DCHS2: variants seen among roughly 807,000 people sequenced by gnomAD.
The protein encoded by DCHS2 is dachsous cadherin-related 2, also known as protocadherin-23.
Under a neutral mutation model 182.4 loss-of-function variants are expected in DCHS2, and 142 were observed. That is an observed-to-expected ratio of 0.78 (90% CI 0.68 to 0.89). DCHS2 has a LOEUF of 0.89. DCHS2 is among the 40% of genes least tolerant of loss of function. DCHS2 has a pLI of 0.00. For synonymous variants in DCHS2, 1,740 were observed against 1,663.3 expected (o/e 1.05, Z -1.12); for missense variants, 4,319 against 4,198.6 (o/e 1.03, Z -0.79).
intron 2 of DCHS2, 69 bp from the exon 3 acceptor site, chr4:154,366,510 A>C: frequency 9.9e-7 from 1 of 1,013,468 alleles, no homozygotes; most frequent in Non-Finnish European, 1.5e-6. Flanking sequence ...ATAATTGACA[A>C]TGGCCCTACA....
intron 9 of DCHS2, 90 bp from the exon 10 acceptor site, chr4:154,316,077 AT>A: frequency 6.5e-7 from 1 of 1,530,858 alleles, no homozygotes; most frequent in Admixed American, 2.0e-5. Context: ...TGTCTACCTA[AT>A]AAAAATTCAG....
At chr4:154,300,946 C>T (rs1447123789) in intron 12 of DCHS2, among the ~76,000 whole-genome samples, 1 of 152,132 alleles carries the variant, frequency 6.6e-6, no homozygotes, top group Non-Finnish European at 1.5e-5. Context: ...AGCTAGGTTA[C>T]TTGAAGTTTT....
intron 3 of DCHS2, among the ~76,000 whole-genome samples, chr4:154,356,094 C>G (rs1437094187): frequency 6.6e-6 from 1 of 152,104 alleles, no homozygotes; most frequent in Non-Finnish European, 1.5e-5. Flanking sequence ...ATGTGTGTTA[C>G]TGGCTCTGAA....
intron 1 of DCHS2, among the ~76,000 whole-genome samples, chr4:154,441,058 G>A (rs1358907698): frequency 6.6e-6 from 1 of 152,154 alleles, no homozygotes; most frequent in Non-Finnish European, 1.5e-5. Context: ...TTGCTGGCAT[G>A]GGCAAAAATA....
chr4:154,312,435 A>G (rs1391027856), intron 10 of DCHS2, among the ~76,000 whole-genome samples: 1 of 152,136 alleles, frequency 6.6e-6, no homozygotes, highest in Non-Finnish European at 1.5e-5. Flanking sequence ...TGTAATCCCT[A>G]TACTTTGGGA....
intron 3 of DCHS2, chr4:154,343,546 CT>C: frequency 6.5e-7 from 1 of 1,527,412 alleles, no homozygotes; most frequent in Non-Finnish European, 8.8e-7. Context: ...TCATCTTGCA[CT>C]TTTAGGTAAT....
At chr4:154,426,073 T>G (rs1047050682) in intron 1 of DCHS2, among the ~76,000 whole-genome samples, 1 of 152,128 alleles carries the variant, frequency 6.6e-6, no homozygotes, top group African/African-American at 2.4e-5. Context: ...TTCTCAGGAT[T>G]AATGTGCAGC....
chr4:154,304,981 CAAT>C, intron 11 of DCHS2, 103 bp from the exon 12 acceptor site: 2 of 1,505,084 alleles, frequency 1.3e-6, no homozygotes. Flanking sequence ...AGCACTGGCT[CAAT>C]AATATTTTAT....
chr4:154,397,253 T>C (rs1184562536), intron 1 of DCHS2, among the ~76,000 whole-genome samples: 1 of 152,190 alleles, frequency 6.6e-6, no homozygotes, highest in Non-Finnish European at 1.5e-5. Context: ...CTTACATATT[T>C]GTCAAAATCT....
chr4:154,371,411 G>A (rs145154263), intron 2 of DCHS2, among the ~76,000 whole-genome samples: 4 of 152,162 alleles, frequency 2.6e-5, no homozygotes, highest in African/African-American at 9.6e-5. Context: ...GTATCCTTGT[G>A]GGGTAGGTTG....
intron 1 of DCHS2, among the ~76,000 whole-genome samples, chr4:154,466,115 G>C (rs1337609597): frequency 6.6e-6 from 1 of 152,044 alleles, no homozygotes; most frequent in Non-Finnish European, 1.5e-5. Flanking sequence ...GTGTAATTGG[G>C]ACTGGACTTA....
At chr4:154,266,394 C>T (rs895925292) in intron 14 of DCHS2, among the ~76,000 whole-genome samples, 2 of 152,024 alleles carry the variant, frequency 1.3e-5, no homozygotes, top group African/African-American at 2.4e-5. Context: ...ATAAAAGCTT[C>T]GCCTGTAATC....
At chr4:154,258,167 G>C (rs1732792174) in intron 15 of DCHS2, among the ~76,000 whole-genome samples, 1 of 152,048 alleles carries the variant, frequency 6.6e-6, no homozygotes, top group Non-Finnish European at 1.5e-5. Flanking sequence ...AGCACATCTG[G>C]AACAGGCTGG....
intron 1 of DCHS2, among the ~76,000 whole-genome samples, chr4:154,400,282 A>G (rs62331906): frequency 4.9e-5 from 7 of 142,404 alleles, no homozygotes; most frequent in Non-Finnish European, 7.7e-5. Flanking sequence ...CAGCCTGGGC[A>G]ACAGAGCGAG....
chr4:154,277,259 G>C (rs1733892306), intron 13 of DCHS2, among the ~76,000 whole-genome samples: 1 of 152,104 alleles, frequency 6.6e-6, no homozygotes. Context: ...CTTTTGAGGG[G>C]GCTACCTGTG....
At chr4:154,324,563 T>C (rs1008131954) in intron 7 of DCHS2, among the ~76,000 whole-genome samples, 12 of 151,942 alleles carry the variant, frequency 7.9e-5, no homozygotes, top group Non-Finnish European at 2.9e-5. Context: ...ATTGGTATCA[T>C]AAGGTTTTGA....
chr4:154,281,028 T>C (rs1734117279), intron 13 of DCHS2, among the ~76,000 whole-genome samples: 2 of 152,196 alleles, frequency 1.3e-5, no homozygotes, highest in East Asian at 1.9e-4. Flanking sequence ...TGTTTCACCA[T>C]GTTGGCCAGG....
intron 3 of DCHS2, among the ~76,000 whole-genome samples, chr4:154,360,346 G>A (rs1039542596): frequency 6.6e-6 from 1 of 152,040 alleles, no homozygotes; most frequent in Admixed American, 6.6e-5. Context: ...TCCACTAAAT[G>A]AGGCAGCTAA....
intron 1 of DCHS2, among the ~76,000 whole-genome samples, chr4:154,444,806 G>A (rs562921702): frequency 6.6e-6 from 1 of 152,162 alleles, no homozygotes; most frequent in Non-Finnish European, 1.5e-5. Context: ...ATATTGGCTG[G>A]CCCCTGACCA....
Sources: gnomAD v4.1 joint callset for allele counts (sites outside exome capture counted in the v4.1 genomes callset) on GRCh38, gnomAD v4.1.1 for gene constraint, MANE v1.5 for transcripts, NCBI Gene and HGNC (gene_info 2026-07-23, HGNC 2026-07-21) for gene names.